Variants in OTC observed in about 807,000 individuals in gnomAD.
The protein encoded by OTC is ornithine transcarbamylase.
A neutral mutation model predicts 30.3 loss-of-function variants in OTC; 3 were observed. That is an observed-to-expected ratio of 0.10 (90% CI 0.05 to 0.26). OTC has a LOEUF of 0.26. Ranked by LOEUF, OTC falls within the 10% of genes least tolerant of loss-of-function variation. OTC has a pLI of 1.00. For missense variants in OTC, 194 were observed against 260.3 expected (o/e 0.75, Z 1.75); for synonymous variants, 111 against 99.7 (o/e 1.11, Z -0.67).
chrX:38,369,942 G>C, intron 3 of OTC, 65 bp downstream of exon 3: 1 of 760,689 alleles, frequency 1.3e-6, no homozygotes. Context: ...ACTTTGGAGG[G>C]GTAACCCAGT....
chrX:38,336,799 C>CT, the OTC span, among the ~76,000 whole-genome samples: 1 of 110,383 alleles, frequency 9.1e-6, no homozygotes, highest in South Asian at 4.0e-4. Flanking sequence ...TGCACTTCTG[C>CT]TTTTTTTCAA....
At chrX:38,352,838 G>A (rs903932572) in intron 1 of OTC, 65 bp downstream of exon 1, 4 of 796,060 alleles carry the variant, frequency 5.0e-6, no homozygotes, top group Non-Finnish European at 1.9e-6. Context: ...ACTATATTCT[G>A]CAGTAAGGCC....
At chrX:38,380,506 T>G (rs2068370324) in intron 3 of OTC, among the ~76,000 whole-genome samples, 1 of 111,831 alleles carries the variant, frequency 8.9e-6, no homozygotes, top group South Asian at 3.8e-4. Context: ...TGATTGGATG[T>G]CACCATCTCC....
chrX:38,405,368 C>T lies in OTC; in HGVS notation c.663+1628C>T, dbSNP rs955052436. Among the ~76,000 whole-genome samples, 3 of 111,648 alleles carry T rather than the reference C, an allele frequency of 2.7e-5. No homozygotes were observed. The Admixed American group carries it at 2.9e-4, about 11-fold the overall frequency. On this transcript the variant is annotated intron_variant, in intron 6 of 9. Transcript: ENST00000039007. ...AAGGTGTTGACAGGCCACACTCCCTCGGAAGCCTCTCAGGGAGGATCCTTT... is the reference window on the plus strand; with the variant it reads ...AAGGTGTTGACAGGCCACACTCCCTTGGAAGCCTCTCAGGGAGGATCCTTT...
chrX:38,406,671 T>A (rs959147758), intron 6 of OTC, among the ~76,000 whole-genome samples: 1 of 111,982 alleles, frequency 8.9e-6, no homozygotes, highest in Admixed American at 9.5e-5. Context: ...AAGGCTAAAT[T>A]TTCAGGGTAG....
At chrX:38,335,453 A>T in the OTC span, among the ~76,000 whole-genome samples, 2 of 112,692 alleles carry the variant, frequency 1.8e-5, no homozygotes, top group Non-Finnish European at 3.7e-5. Context: ...TCCTGTAATT[A>T]AGCTGCAGGC....
intron 6 of OTC, among the ~76,000 whole-genome samples, chrX:38,408,466 C>G (rs1374168181): frequency 8.9e-6 from 1 of 111,860 alleles, no homozygotes; most frequent in Admixed American, 9.5e-5. Context: ...GGAAGAGGTG[C>G]TTCCAAGAGT....
At chrX:38,405,657 G>A (rs1414915939) in intron 6 of OTC, among the ~76,000 whole-genome samples, 1 of 111,801 alleles carries the variant, frequency 8.9e-6, no homozygotes, top group African/African-American at 3.3e-5. Context: ...AAAATGTACT[G>A]CATGCAGTGG....
chrX:38,403,680 G>T lies in OTC; in HGVS notation c.603G>T (p.Leu201=). The part of the protein sequence containing the change: ...LSWIGDGNNI[L]HSIMMSAAKF... Reference sequence around the variant, plus strand: ...GGATCGGGGATGGGAACAATATCCTGCACTCCATCATGATGAGCGCAGCGA... The same window carrying T: ...GGATCGGGGATGGGAACAATATCCTTCACTCCATCATGATGAGCGCAGCGA... The change falls in exon 6 of 10, where the codon CTG becomes CTT. Residue 201 remains leucine, a synonymous_variant. Coordinates refer to ENST00000039007, the MANE Select transcript of OTC (RefSeq NM_000531.6). 1 of 1,205,971 alleles carries T rather than the reference G, an allele frequency of 8.3e-7. No individual in the cohort carries two copies. The highest frequency in any genetic ancestry group is 1.8e-5 in the South Asian group (1 of 56,833).
chrX:38,358,960 C>T (rs1209499995), intron 1 of OTC, among the ~76,000 whole-genome samples: 1 of 111,200 alleles, frequency 9.0e-6, no homozygotes, highest in Non-Finnish European at 1.9e-5. Context: ...TAGTTAATCA[C>T]TCAAGCCCTC....
intron 1 of OTC, among the ~76,000 whole-genome samples, chrX:38,355,962 T>C (rs1343373852): frequency 9.4e-6 from 1 of 106,425 alleles, no homozygotes; most frequent in Non-Finnish European, 1.9e-5. Context: ...GCAGAAGAAT[T>C]GCTTGAACCT....
chrX:38,374,326 T>G (rs1285282736), intron 3 of OTC, among the ~76,000 whole-genome samples: 1 of 109,724 alleles, frequency 9.1e-6, no homozygotes, highest in Non-Finnish European at 1.9e-5. Flanking sequence ...CCTCTTCTCC[T>G]TGGCAATGGC....
At chrX:38,380,246 A>G (rs1177610555) in intron 3 of OTC, among the ~76,000 whole-genome samples, 2 of 111,601 alleles carry the variant, frequency 1.8e-5, no homozygotes, top group Non-Finnish European at 3.8e-5. Context: ...TGGATCTGAA[A>G]CTCCTCATTC....
the OTC span, among the ~76,000 whole-genome samples, chrX:38,334,361 A>G: frequency 1.8e-5 from 2 of 112,287 alleles, no homozygotes; most frequent in Non-Finnish European, 3.8e-5. Flanking sequence ...CTGCTTCTTG[A>G]AAGAGCACAG....
chrX:38,403,594 T>C (rs1406525197), intron 5 of OTC, 24 bp from the exon 6 acceptor site: 3 of 1,207,238 alleles, frequency 2.5e-6, no homozygotes, highest in Admixed American at 4.3e-5. Context: ...CTGGATTTCA[T>C]CTCCTTCATC....
chrX:38,344,872 A>G, the OTC span, among the ~76,000 whole-genome samples: 1 of 110,264 alleles, frequency 9.1e-6, no homozygotes, highest in East Asian at 2.8e-4. Context: ...AAAACTAAAC[A>G]TTAAGAAAAT....
chrX:38,412,943 T>C (rs1345032201), intron 9 of OTC, among the ~76,000 whole-genome samples: 1 of 111,712 alleles, frequency 9.0e-6, no homozygotes, highest in Non-Finnish European at 1.9e-5. Flanking sequence ...CTGAGGCTCT[T>C]GAAACCAGAT....
chrX:38,403,953 G>A (rs1319432948), intron 6 of OTC, among the ~76,000 whole-genome samples: 2 of 112,248 alleles, frequency 1.8e-5, no homozygotes, highest in African/African-American at 3.2e-5. Context: ...CTTGGCTGAT[G>A]CCTTTTATTC....
chrX:38,370,832 C>A (rs1173070680), intron 3 of OTC, among the ~76,000 whole-genome samples: 1 of 111,276 alleles, frequency 9.0e-6, no homozygotes, highest in East Asian at 2.8e-4. Context: ...ACAAGGACCC[C>A]ATTACAACAA....
Sources: allele counts gnomAD v4.1 joint callset (sites outside exome capture counted in the v4.1 genomes callset), GRCh38; gene constraint gnomAD v4.1.1; transcripts MANE v1.5; gene names NCBI Gene and HGNC (gene_info 2026-07-23, HGNC 2026-07-21).